MARCHF7: variants seen among roughly 807,000 people sequenced by gnomAD.
MARCHF7 encodes membrane associated ring-CH-type finger 7, also known as E3 ubiquitin-protein ligase MARCHF7.
A neutral mutation model predicts 76.5 loss-of-function variants in MARCHF7; 20 were observed. The observed-to-expected ratio is 0.26, with a 90% CI of 0.18 to 0.38. The LOEUF (loss-of-function observed/expected upper bound fraction) is 0.38. Among genes scored for constraint, MARCHF7 ranks in the 10% least tolerant of loss-of-function variants. The probability of loss-of-function intolerance (pLI) is 1.00; values close to 1 mark genes in which losing one functional copy is unlikely to be tolerated. For missense variants in MARCHF7, 797 were observed against 812.9 expected (o/e 0.98, Z 0.24); for synonymous variants, 295 against 293.0 (o/e 1.01, Z -0.07).
intron 3 of MARCHF7, among the ~76,000 whole-genome samples, chr2:159,727,280 C>T (rs1016430926): frequency 2.6e-5 from 4 of 152,130 alleles, no homozygotes; most frequent in African/African-American, 9.7e-5. Flanking sequence ...AAATCCTTGC[C>T]TCAGAATATT....
At chr2:159,765,102 T>C (rs376810051) in intron 11 of MARCHF7, among the ~76,000 whole-genome samples, 33 of 152,264 alleles carry the variant, frequency 2.2e-4, no homozygotes, top group South Asian at 1.5e-3. Flanking sequence ...TTACCTATGA[T>C]TCCAGGAAAA....
At chr2:159,765,218 C>CT (rs1240414302) in intron 11 of MARCHF7, among the ~76,000 whole-genome samples, 1 of 143,426 alleles carries the variant, frequency 7.0e-6, no homozygotes, top group East Asian at 2.0e-4. Context: ...TTTTTTTTGG[C>CT]TTTTTGTAGG....
At chr2:159,729,215 C>A in intron 4 of MARCHF7, 40 bp downstream of exon 4, 1 of 1,465,064 alleles carries the variant, frequency 6.8e-7, no homozygotes, top group South Asian at 1.3e-5. Context: ...CAGCCTTTTT[C>A]AAAATCCCTA....
chr2:159,717,583 T>G (rs1468742617), intron 3 of MARCHF7, among the ~76,000 whole-genome samples: 1 of 152,214 alleles, frequency 6.6e-6, no homozygotes, highest in East Asian at 1.9e-4. Flanking sequence ...TATCTTTCAC[T>G]TAGTCTTTAC....
chr2:159,734,215 G>T, intron 4 of MARCHF7: 1 of 786,474 alleles, frequency 1.3e-6, no homozygotes, highest in Non-Finnish European at 1.7e-6. Context: ...AATCTGTTTA[G>T]TGTTTGTTCT....
Position 159,769,201 on chromosome 2 carries a change from A to G in MARCHF7, c.*1859A>G, listed in dbSNP as rs927389822. 6.6e-6 allele frequency: 1 copy of G among 152,226 alleles called. No homozygotes were observed. Among genetic ancestry groups the G allele is most frequent in the Non-Finnish European group, 1.5e-5 (1 of 68,042 alleles). The allele number at this position is 152,226 out of a possible 1,614,324, so 9.4% of individuals were successfully genotyped here. A position where few individuals can be genotyped will look rare whatever the true frequency, so the allele number is the denominator to read the frequency against. On this transcript the variant is annotated 3_prime_UTR_variant, in exon 12 of 12. Coordinates refer to ENST00000409175, the MANE Select transcript of MARCHF7 (RefSeq NM_001282805.2). ...TGTTATTCTGAATATCTGCCAAAGA[A>G]TTATATTGTTATTACTAGCTAGAAC... is the stretch of plus-strand genomic sequence containing the variant.
At position 159,752,710 on chromosome 2, in the gene MARCHF7, T is replaced by C. The variant is rs72965339; in HGVS notation, c.1783+139T>C. Reference sequence around the variant, plus strand: ...CATTTTTGAAGTCTCAGCAGAAGCATTAAAGAGCATTAGTGTTTCTTTGTA... The same window carrying C: ...CATTTTTGAAGTCTCAGCAGAAGCACTAAAGAGCATTAGTGTTTCTTTGTA... On this transcript the variant is annotated intron_variant, in intron 8 of 11. Coordinates refer to ENST00000409175, the MANE Select transcript of MARCHF7 (RefSeq NM_001282805.2). 4,183 of 728,618 alleles carry C rather than the reference T, an allele frequency of 5.7e-3. 15 individuals are homozygous for C. The highest frequency in any genetic ancestry group is 7.1e-3 in the Non-Finnish European group (3,451 of 486,056). The allele number at this position is 728,618 out of a possible 1,614,324, so 45.1% of individuals were successfully genotyped here. A position where few individuals can be genotyped will look rare whatever the true frequency, so the allele number is the denominator to read the frequency against.
chr2:159,764,774 T>C (rs1707560730), intron 11 of MARCHF7, 100 bp downstream of exon 11: 2 of 776,258 alleles, frequency 2.6e-6, no homozygotes, highest in Non-Finnish European at 4.1e-6. Flanking sequence ...AAATTAGAGC[T>C]CATTTATAGG....
chr2:159,742,183 A>G (rs1488773095), intron 4 of MARCHF7, among the ~76,000 whole-genome samples: 1 of 152,104 alleles, frequency 6.6e-6, no homozygotes, highest in Non-Finnish European at 1.5e-5. Flanking sequence ...ACCATGAGCC[A>G]TGTTTTAAAA....
intron 3 of MARCHF7, among the ~76,000 whole-genome samples, chr2:159,717,290 A>T (rs1259745062): frequency 3.3e-5 from 5 of 152,120 alleles, no homozygotes; most frequent in Admixed American, 3.3e-4. Flanking sequence ...TAATACTAGG[A>T]TGGGGGACAT....
chr2:159,760,545 G>A (rs928868147), intron 9 of MARCHF7, among the ~76,000 whole-genome samples: 3 of 152,118 alleles, frequency 2.0e-5, no homozygotes, highest in African/African-American at 4.8e-5. Context: ...CTGAGCATTG[G>A]TATTTAAAAA....
chr2:159,749,351 T>C (rs1367717796), intron 7 of MARCHF7, among the ~76,000 whole-genome samples: 1 of 151,334 alleles, frequency 6.6e-6, no homozygotes, highest in Non-Finnish European at 1.5e-5. Flanking sequence ...TGTTTTTTTT[T>C]GTTGTTGTTG....
At chr2:159,729,579 G>C (rs1319983854) in intron 4 of MARCHF7, among the ~76,000 whole-genome samples, 2 of 152,036 alleles carry the variant, frequency 1.3e-5, no homozygotes, top group African/African-American at 4.8e-5. Context: ...AGGCCGAAGA[G>C]GGAGGATTGC....
intron 4 of MARCHF7, chr2:159,733,662 A>G (rs1457947553): frequency 2.0e-6 from 2 of 985,018 alleles, no homozygotes; most frequent in Non-Finnish European, 2.4e-6. Flanking sequence ...AAAGAGGGTC[A>G]GGGGGTAGGA....
Position 159,770,806 on chromosome 2 carries a change from C to G in MARCHF7, c.*3464C>G, listed in dbSNP as rs1126842. ...GTGTAAATACAAGCTGATTTTCACA[C>G]AAGATTCCCTAACTATGCATTTCTT... On this transcript the variant is annotated 3_prime_UTR_variant, in exon 12 of 12. Coordinates refer to ENST00000409175, the MANE Select transcript of MARCHF7 (RefSeq NM_001282805.2). The G allele has an allele frequency of 0.34, 52,061 of 151,974 alleles. 9,119 individuals carry two copies. Among genetic ancestry groups the G allele is most frequent in the South Asian group, 0.44 (2,118 of 4,820 alleles). The allele number at this position is 151,974 out of a possible 1,614,324, so 9.4% of individuals were successfully genotyped here.
At chr2:159,734,889 G>A (rs1267299955) in intron 4 of MARCHF7, among the ~76,000 whole-genome samples, 1 of 151,782 alleles carries the variant, frequency 6.6e-6, no homozygotes, top group Admixed American at 6.6e-5. Flanking sequence ...GGCTGAGGCA[G>A]GAAGATTGCT....
intron 3 of MARCHF7, among the ~76,000 whole-genome samples, chr2:159,720,065 G>T (rs906586069): frequency 2.0e-5 from 3 of 151,824 alleles, no homozygotes; most frequent in Admixed American, 6.6e-5. Context: ...TTGCTCTGTT[G>T]CCCAGGCTGG....
chr2:159,763,889 A>G (rs1327465796), intron 10 of MARCHF7, among the ~76,000 whole-genome samples: 1 of 152,196 alleles, frequency 6.6e-6, no homozygotes, highest in African/African-American at 2.4e-5. Context: ...GAGCATTCAT[A>G]TTATCTATCA....
Position 159,767,646 on chromosome 2 carries a change from A to G in MARCHF7, c.*304A>G, listed in dbSNP as rs1357845743. 1.5e-5 allele frequency: 3 copies of G among 200,272 alleles called. No homozygotes were observed. Among genetic ancestry groups the G allele is most frequent in the African/African-American group, 2.3e-5 (1 of 43,028 alleles). The allele number at this position is 200,272 out of a possible 1,614,324, so 12.4% of individuals were successfully genotyped here. On this transcript the variant is annotated 3_prime_UTR_variant, in exon 12 of 12. Coordinates refer to ENST00000409175, the MANE Select transcript of MARCHF7 (RefSeq NM_001282805.2). ...TTAAATATCTAAGCAATGCCTATCA[A>G]CCCTTTTTTGTGTTATGATTACTGT...
Sources: gnomAD v4.1 joint callset for allele counts (sites outside exome capture counted in the v4.1 genomes callset) on GRCh38, gnomAD v4.1.1 for gene constraint, MANE v1.5 for transcripts, NCBI Gene and HGNC (gene_info 2026-07-23, HGNC 2026-07-21) for gene names.